The following AKR1E2 variants were observed in gnomAD, a reference collection of about 807,000 sequenced individuals.
The protein encoded by AKR1E2 is aldo-keto reductase family 1 member E2, also known as 1,5-anhydro-D-fructose reductase.
A neutral mutation model predicts 41.9 loss-of-function variants in AKR1E2; 43 were observed. The ratio of observed to expected loss-of-function variants is 1.03; its 90% CI spans 0.80 to 1.32. The LOEUF is 1.32. Ranked by LOEUF, AKR1E2 falls within the 40% of genes most tolerant of loss-of-function variation. The probability of loss-of-function intolerance (pLI) is 0.00; values close to 1 mark genes in which losing one functional copy is unlikely to be tolerated. For missense variants in AKR1E2, 423 were observed against 396.5 expected (o/e 1.07, Z -0.57); for synonymous variants, 121 against 138.9 (o/e 0.87, Z 0.91).
chr10:4,872,271 A>G, the AKR1E2 span, among the ~76,000 whole-genome samples: 2 of 152,192 alleles, frequency 1.3e-5, no homozygotes, highest in East Asian at 1.9e-4. Context: ...TTTTAAAACA[A>G]TGCTTAGTCT....
At chr10:4,827,075 G>A (rs1390548031) in intron 1 of AKR1E2, among the ~76,000 whole-genome samples, 7 of 123,130 alleles carry the variant, frequency 5.7e-5, no homozygotes, top group Non-Finnish European at 6.6e-5. Context: ...GACCTTGCTG[G>A]AAAAAAAAAA....
At chr10:4,865,862 T>G in the AKR1E2 span, among the ~76,000 whole-genome samples, 1 of 152,226 alleles carries the variant, frequency 6.6e-6, no homozygotes, top group Non-Finnish European at 1.5e-5. Flanking sequence ...TAGAGAGTTA[T>G]GTTGCTAAAG....
At chr10:4,853,550 G>A in the AKR1E2 span, among the ~76,000 whole-genome samples, 1 of 152,036 alleles carries the variant, frequency 6.6e-6, no homozygotes, top group Admixed American at 6.5e-5. Flanking sequence ...CTGAGGACAT[G>A]TGCCCATTGT....
At chr10:4,827,521 C>A (rs947219383) in intron 1 of AKR1E2, among the ~76,000 whole-genome samples, 1 of 152,056 alleles carries the variant, frequency 6.6e-6, no homozygotes, top group Admixed American at 6.5e-5. Context: ...TTCTATTCTA[C>A]GACCTTTCTC....
chr10:4,838,554 GA>G (rs1833619543), intron 5 of AKR1E2, among the ~76,000 whole-genome samples: 1 of 152,150 alleles, frequency 6.6e-6, no homozygotes, highest in South Asian at 2.1e-4. Context: ...AGTAGATGCA[GA>G]AAAGTGTGTG....
Position 4,847,862 on chromosome 10 carries a change from A to G in AKR1E2, c.*332A>G. The G allele has an allele frequency of 3.5e-6, 1 of 287,964 alleles. No homozygotes were observed. Among genetic ancestry groups the G allele is most frequent in the Non-Finnish European group, 6.4e-6 (1 of 155,234 alleles). 17.8% of individuals were successfully genotyped at this position (287,964 alleles called of 1,614,324 possible). A position where few individuals can be genotyped will look rare whatever the true frequency, so the allele number is the denominator to read the frequency against. On this transcript the variant is annotated 3_prime_UTR_variant, in exon 10 of 10. Transcript: ENST00000298375. ...ATCTACAGAGCTGAGGAAACAGTGT[A>G]ATGTGTCTCTGCCCCATTGCGCAGC...
At chr10:4,849,321 T>G (rs1004744420), downstream of AKR1E2, among the ~76,000 whole-genome samples, 2 of 152,270 alleles carry the variant, frequency 1.3e-5, no homozygotes, top group African/African-American at 4.8e-5. Flanking sequence ...TCATTAGCTG[T>G]GTGACTTTGT....
intron 4 of AKR1E2, 159 bp from the exon 5 acceptor site, chr10:4,837,300 C>A: frequency 9.1e-7 from 1 of 1,092,942 alleles, no homozygotes; most frequent in Non-Finnish European, 1.3e-6. Context: ...GGACTGAAAT[C>A]AGACCTTGAG....
chr10:4,871,426 C>A, the AKR1E2 span, among the ~76,000 whole-genome samples: 1 of 152,010 alleles, frequency 6.6e-6, no homozygotes, highest in Non-Finnish European at 1.5e-5. Flanking sequence ...GTTTTACATT[C>A]ATTTATAATA....
downstream of AKR1E2, among the ~76,000 whole-genome samples, chr10:4,851,171 G>A (rs886892670): frequency 1.1e-4 from 17 of 152,204 alleles, no homozygotes; most frequent in African/African-American, 4.1e-4. Context: ...TTTATATCAT[G>A]AAATTGATCA....
chr10:4,847,009 A>G (rs906406689), intron 8 of AKR1E2, 139 bp from the exon 9 acceptor site: 1 of 868,246 alleles, frequency 1.2e-6, no homozygotes, highest in African/African-American at 1.7e-5. Context: ...GATTCAGGGA[A>G]GTTCCAAGTG....
At chr10:4,852,534 G>A (rs1834548100), downstream of AKR1E2, among the ~76,000 whole-genome samples, 1 of 152,196 alleles carries the variant, frequency 6.6e-6, no homozygotes, top group African/African-American at 2.4e-5. Context: ...CCCAAAGGAA[G>A]AGAATCTCTG....
chr10:4,845,020 A>C (rs1834213127), intron 8 of AKR1E2, among the ~76,000 whole-genome samples: 1 of 152,074 alleles, frequency 6.6e-6, no homozygotes, highest in Non-Finnish European at 1.5e-5. Flanking sequence ...GGGTCAGGGG[A>C]GGCTCAGGCA....
chr10:4,828,345 C>T (rs1832709889), intron 1 of AKR1E2, among the ~76,000 whole-genome samples: 1 of 152,174 alleles, frequency 6.6e-6, no homozygotes. Context: ...TGTCTGGAGA[C>T]CTCAGCCTGG....
Position 4,839,844 on chromosome 10 carries a change from G to T in AKR1E2, c.680+18G>T, listed in dbSNP as rs1315628383. Reference sequence around the variant, plus strand: ...GGCTCGTGGTAAGGATACCTCAGTGGTGTGTTAGTCAGAGTCCGACTGGGA... The same window carrying T: ...GGCTCGTGGTAAGGATACCTCAGTGTTGTGTTAGTCAGAGTCCGACTGGGA... On this transcript the variant is annotated intron_variant, in intron 6 of 9. Coordinates refer to ENST00000298375, the MANE Select transcript of AKR1E2 (RefSeq NM_001040177.3). 4 of 1,606,400 alleles carry T rather than the reference G, an allele frequency of 2.5e-6. No homozygotes were observed. The highest frequency in any genetic ancestry group is 3.4e-6 in the Non-Finnish European group (4 of 1,173,114).
downstream of AKR1E2, among the ~76,000 whole-genome samples, chr10:4,848,496 CG>C (rs1834465251): frequency 6.6e-6 from 1 of 152,098 alleles, no homozygotes; most frequent in Admixed American, 6.5e-5. Flanking sequence ...GGATTCATAC[CG>C]GATCTCCAGG....
At chr10:4,828,096 T>A (rs1832690498) in intron 1 of AKR1E2, among the ~76,000 whole-genome samples, 1 of 152,246 alleles carries the variant, frequency 6.6e-6, no homozygotes. Flanking sequence ...ATCCGTTATC[T>A]GTTGCCCCAG....
At chr10:4,827,087 A>AG (rs1554753004) in intron 1 of AKR1E2, among the ~76,000 whole-genome samples, 3 of 150,252 alleles carry the variant, frequency 2.0e-5, no homozygotes, top group Non-Finnish European at 3.0e-5. Context: ...AAAAAAAAAA[A>AG]AAAAAAGAAA....
At chr10:4,832,600 A>G (rs888976312) in intron 2 of AKR1E2, among the ~76,000 whole-genome samples, 5 of 152,224 alleles carry the variant, frequency 3.3e-5, no homozygotes, top group African/African-American at 7.2e-5. Flanking sequence ...AATAAATCAC[A>G]CATATAAGCA....
Sources: gnomAD v4.1 joint callset for allele counts (sites outside exome capture counted in the v4.1 genomes callset) on GRCh38, gnomAD v4.1.1 for gene constraint, MANE v1.5 for transcripts, NCBI Gene and HGNC (gene_info 2026-07-23, HGNC 2026-07-21) for gene names.